The following EBF1 variants were observed in gnomAD, a reference collection of about 807,000 sequenced individuals.
EBF1 encodes EBF transcription factor 1, also known as transcription factor COE1.
In EBF1, 10 loss-of-function variants were observed where a neutral mutation model predicts 68.4. That is an observed-to-expected ratio of 0.15 (90% CI 0.09 to 0.25). The LOEUF is 0.25. Ranked by LOEUF, EBF1 falls within the 10% of genes least tolerant of loss-of-function variation. EBF1 has a pLI of 1.00. For missense variants in EBF1, 509 were observed against 794.4 expected, an observed-to-expected ratio of 0.64 and a Z score of 4.32; for synonymous variants, 298 against 299.8, an observed-to-expected ratio of 0.99 and a Z score of 0.06.
intron 10 of EBF1, among the ~76,000 whole-genome samples, chr5:158,744,812 G>T (rs1333641823): frequency 3.3e-5 from 5 of 152,192 alleles, no homozygotes; most frequent in Admixed American, 1.3e-4. Flanking sequence ...AAACAACTAT[G>T]ATGATAAACC....
chr5:159,098,252 C>T (rs1435671742), intron 1 of EBF1, among the ~76,000 whole-genome samples: 1 of 152,200 alleles, frequency 6.6e-6, no homozygotes, highest in Non-Finnish European at 1.5e-5. Flanking sequence ...GGGAAAGAGC[C>T]TTGGGTGTGC....
At chr5:158,883,945 G>A (rs1370420918) in intron 6 of EBF1, among the ~76,000 whole-genome samples, 1 of 152,164 alleles carries the variant, frequency 6.6e-6, no homozygotes, top group Non-Finnish European at 1.5e-5. Flanking sequence ...AAGTTAGGAA[G>A]CACATAGCAA....
At chr5:158,779,895 C>T (rs752584534) in intron 9 of EBF1, among the ~76,000 whole-genome samples, 2 of 152,106 alleles carry the variant, frequency 1.3e-5, no homozygotes, top group Non-Finnish European at 2.9e-5. Flanking sequence ...TTTTCATTTA[C>T]AATTTCATTT....
At chr5:158,719,118 G>A (rs1418203185) in intron 11 of EBF1, among the ~76,000 whole-genome samples, 1 of 152,152 alleles carries the variant, frequency 6.6e-6, no homozygotes, top group East Asian at 1.9e-4. Flanking sequence ...CTTAAATTTG[G>A]TGTTCCATTT....
intron 6 of EBF1, among the ~76,000 whole-genome samples, chr5:159,030,333 T>C (rs957063882): frequency 9.2e-5 from 14 of 152,334 alleles, no homozygotes; most frequent in Non-Finnish European, 1.8e-4. Context: ...AAAATAACCC[T>C]TGATGGCCAG....
chr5:158,878,612 C>T (rs537156282), intron 6 of EBF1, among the ~76,000 whole-genome samples: 7 of 151,398 alleles, frequency 4.6e-5, no homozygotes, highest in African/African-American at 1.5e-4. Context: ...GAGCAATTTC[C>T]CCAAGATCAC....
intron 4 of EBF1, among the ~76,000 whole-genome samples, chr5:159,089,206 TTAAC>T (rs1167795577): frequency 2.0e-5 from 3 of 152,140 alleles, no homozygotes; most frequent in African/African-American, 7.2e-5. Flanking sequence ...TTTAAAATAA[TTAAC>T]TAAAAGAAGA....
chr5:158,750,517 G>C (rs987596519), intron 10 of EBF1, among the ~76,000 whole-genome samples: 2 of 152,090 alleles, frequency 1.3e-5, no homozygotes, highest in African/African-American at 4.8e-5. Context: ...AAAAAAGAGA[G>C]AGGAGACTGA....
chr5:158,878,361 C>A (rs1376457053), intron 6 of EBF1, among the ~76,000 whole-genome samples: 1 of 152,014 alleles, frequency 6.6e-6, no homozygotes, highest in Non-Finnish European at 1.5e-5. Flanking sequence ...AAGCTAGTGC[C>A]CATTTCTCTA....
At chr5:158,933,882 A>C (rs1311579601) in intron 6 of EBF1, among the ~76,000 whole-genome samples, 1 of 152,266 alleles carries the variant, frequency 6.6e-6, no homozygotes, top group East Asian at 1.9e-4. Flanking sequence ...CAGATCTTTC[A>C]GTAAACACAG....
chr5:159,024,007 T>G (rs533148354), intron 6 of EBF1, among the ~76,000 whole-genome samples: 10 of 152,116 alleles, frequency 6.6e-5, no homozygotes, highest in Non-Finnish European at 1.3e-4. Context: ...GTGGGATTAT[T>G]CAAGCAAGGA....
At chr5:159,003,550 C>G (rs1762977161) in intron 6 of EBF1, among the ~76,000 whole-genome samples, 1 of 152,108 alleles carries the variant, frequency 6.6e-6, no homozygotes, top group Admixed American at 6.6e-5. Flanking sequence ...ACCAGAAGAC[C>G]TTGGATGATT....
chr5:158,792,412 C>T (rs1778816310), intron 9 of EBF1, among the ~76,000 whole-genome samples: 1 of 152,152 alleles, frequency 6.6e-6, no homozygotes, highest in Admixed American at 6.6e-5. Flanking sequence ...AACTGAACTA[C>T]TCATTGGCAG....
At chr5:159,030,638 G>A (rs922626814) in intron 6 of EBF1, among the ~76,000 whole-genome samples, 9 of 152,172 alleles carry the variant, frequency 5.9e-5, no homozygotes, top group Admixed American at 1.3e-4. Flanking sequence ...AGAAATTGGC[G>A]ATGAGCAAGT....
chr5:159,078,806 T>C (rs1481605682), intron 5 of EBF1, among the ~76,000 whole-genome samples: 1 of 152,232 alleles, frequency 6.6e-6, no homozygotes, highest in African/African-American at 2.4e-5. Flanking sequence ...CAAACAATTC[T>C]GCACATCCAG....
chr5:158,700,884 A>G (rs958038150), intron 15 of EBF1, among the ~76,000 whole-genome samples: 5 of 152,100 alleles, frequency 3.3e-5, no homozygotes, highest in African/African-American at 1.2e-4. Flanking sequence ...AACGCAGACC[A>G]ACTTAAACCC....
chr5:158,811,246 T>C (rs1278378465), intron 8 of EBF1, among the ~76,000 whole-genome samples: 2 of 152,174 alleles, frequency 1.3e-5, no homozygotes, highest in South Asian at 2.1e-4. Context: ...CCAACTAACT[T>C]ACCCTTGGGA....
intron 6 of EBF1, among the ~76,000 whole-genome samples, chr5:158,919,054 A>G (rs1282423794): frequency 6.6e-6 from 1 of 152,168 alleles, no homozygotes; most frequent in African/African-American, 2.4e-5. Context: ...TGGTGAAAGA[A>G]CAGAATTTTC....
intron 6 of EBF1, among the ~76,000 whole-genome samples, chr5:159,072,143 T>C (rs1015011439): frequency 6.6e-6 from 1 of 152,198 alleles, no homozygotes; most frequent in African/African-American, 2.4e-5. Context: ...TTGAATCAAA[T>C]ATACTAATAC....
Sources: gnomAD v4.1 joint callset for allele counts (sites outside exome capture counted in the v4.1 genomes callset) on GRCh38, gnomAD v4.1.1 for gene constraint, MANE v1.5 for transcripts, NCBI Gene and HGNC (gene_info 2026-07-23, HGNC 2026-07-21) for gene names.